The following NCKAP5 variants were observed in gnomAD, a reference collection of about 807,000 sequenced individuals.
NCKAP5 encodes the protein nck-associated protein 5.
In NCKAP5, 92 loss-of-function variants were observed where a neutral mutation model predicts 167.0. The ratio of observed to expected loss-of-function variants is 0.55; its 90% CI spans 0.47 to 0.66. The LOEUF is 0.66. NCKAP5 is among the 30% of genes least tolerant of loss of function. The probability of loss-of-function intolerance (pLI) is 0.00; values close to 1 mark genes in which losing one functional copy is unlikely to be tolerated. For missense variants in NCKAP5, 2,378 were observed against 2,315.0 expected (o/e 1.03, Z -0.56); for synonymous variants, 891 against 877.4 (o/e 1.02, Z -0.27).
chr2:133,316,039 CTAGGAA>C (rs1425213342), intron 3 of NCKAP5, among the ~76,000 whole-genome samples: 5 of 152,096 alleles, frequency 3.3e-5, no homozygotes, highest in African/African-American at 1.2e-4. Flanking sequence ...TTCAGTAAGT[CTAGGAA>C]TAAGATGGGA....
chr2:132,959,301 A>G (rs988496335), intron 8 of NCKAP5, among the ~76,000 whole-genome samples: 1 of 152,104 alleles, frequency 6.6e-6, no homozygotes, highest in Non-Finnish European at 1.5e-5. Context: ...TAACACATTT[A>G]ATTGCCATAT....
chr2:133,426,809 G>C (rs1000068209), intron 3 of NCKAP5, among the ~76,000 whole-genome samples: 1 of 152,138 alleles, frequency 6.6e-6, no homozygotes, highest in Non-Finnish European at 1.5e-5. Context: ...TAGATGAGAG[G>C]TATATGGGAA....
At chr2:133,599,987 A>C in the NCKAP5 span, among the ~76,000 whole-genome samples, 1 of 152,248 alleles carries the variant, frequency 6.6e-6, no homozygotes, top group Non-Finnish European at 1.5e-5. Context: ...AAGAGCTGGG[A>C]CTAGAAGCCA....
At chr2:133,119,551 C>G (rs1458701422) in intron 6 of NCKAP5, among the ~76,000 whole-genome samples, 3 of 152,034 alleles carry the variant, frequency 2.0e-5, no homozygotes. Context: ...ATGTTTCTAG[C>G]AAAAGATAAA....
chr2:132,688,815 A>G (rs1234827263), intron 19 of NCKAP5, among the ~76,000 whole-genome samples: 1 of 151,832 alleles, frequency 6.6e-6, no homozygotes. Flanking sequence ...GTGAGACTCT[A>G]TCTCTACAAA....
intron 11 of NCKAP5, among the ~76,000 whole-genome samples, chr2:132,800,787 TA>T (rs1484929559): frequency 1.3e-5 from 2 of 152,190 alleles, no homozygotes; most frequent in Non-Finnish European, 2.9e-5. Flanking sequence ...TTTGGTCCTT[TA>T]TCCAAAGTGT....
intron 3 of NCKAP5, among the ~76,000 whole-genome samples, chr2:133,435,123 CT>C (rs1690391516): frequency 6.6e-6 from 1 of 152,176 alleles, no homozygotes; most frequent in Non-Finnish European, 1.5e-5. Context: ...AGTGAAGATT[CT>C]GATCTCATCA....
intron 3 of NCKAP5, among the ~76,000 whole-genome samples, chr2:133,368,296 CA>C (rs1685579740): frequency 6.6e-6 from 1 of 152,116 alleles, no homozygotes; most frequent in East Asian, 1.9e-4. Flanking sequence ...ATCCCTTACC[CA>C]AGTGTGCACA....
chr2:133,067,786 T>C (rs2080247954), intron 6 of NCKAP5, among the ~76,000 whole-genome samples: 1 of 152,138 alleles, frequency 6.6e-6, no homozygotes, highest in Non-Finnish European at 1.5e-5. Flanking sequence ...ACTGTTTCCC[T>C]GGGAAACAAA....
At chr2:133,600,510 T>C in the NCKAP5 span, among the ~76,000 whole-genome samples, 2 of 152,226 alleles carry the variant, frequency 1.3e-5, no homozygotes, top group Admixed American at 6.5e-5. Context: ...AATGCTCACG[T>C]GCCCACTGGA....
intron 5 of NCKAP5, among the ~76,000 whole-genome samples, chr2:133,204,898 A>C (rs1290608638): frequency 6.6e-6 from 1 of 152,234 alleles, no homozygotes; most frequent in Non-Finnish European, 1.5e-5. Flanking sequence ...CTTTCCTACC[A>C]GCTAGCTTTG....
chr2:133,042,202 C>T, intron 6 of NCKAP5, among the ~76,000 whole-genome samples: 1 of 152,010 alleles, frequency 6.6e-6, no homozygotes, highest in Non-Finnish European at 1.5e-5. Context: ...CACCAATTTC[C>T]AAGTTTCTAT....
chr2:133,259,436 C>T (rs762754905), intron 4 of NCKAP5, among the ~76,000 whole-genome samples: 95 of 151,998 alleles, frequency 6.3e-4, no homozygotes, highest in Admixed American at 1.8e-3. Flanking sequence ...AGATCTTGTA[C>T]GTATGTTAAA....
chr2:132,826,775 A>T (rs888814709), intron 11 of NCKAP5, among the ~76,000 whole-genome samples: 1 of 152,200 alleles, frequency 6.6e-6, no homozygotes, highest in Non-Finnish European at 1.5e-5. Context: ...GGAGAAAAAT[A>T]GGACATCCTG....
chr2:133,565,848 A>T (rs1688509269), intron 1 of NCKAP5, among the ~76,000 whole-genome samples: 1 of 152,224 alleles, frequency 6.6e-6, no homozygotes, highest in Non-Finnish European at 1.5e-5. Flanking sequence ...TGGATATTTA[A>T]TTCATTCATT....
intron 3 of NCKAP5, among the ~76,000 whole-genome samples, chr2:133,351,078 G>T (rs1684327332): frequency 6.6e-6 from 1 of 152,170 alleles, no homozygotes; most frequent in Non-Finnish European, 1.5e-5. Flanking sequence ...AGGTAAGGCG[G>T]AGTATTTGTG....
intron 5 of NCKAP5, among the ~76,000 whole-genome samples, chr2:133,134,685 T>C (rs2082726625): frequency 6.6e-6 from 1 of 152,222 alleles, no homozygotes; most frequent in Non-Finnish European, 1.5e-5. Flanking sequence ...CTATACCTCA[T>C]AGCCTACACA....
At chr2:133,468,279 A>T (rs578147466) in intron 3 of NCKAP5, among the ~76,000 whole-genome samples, 1 of 141,820 alleles carries the variant, frequency 7.1e-6, no homozygotes, top group Admixed American at 7.2e-5. Flanking sequence ...CCCAGTAGTC[A>T]TTCAGGAGCA....
rs1464182760 is a variant in NCKAP5 at position 133,567,661 on chromosome 2, G to C, written c.-130+555C>G. ...CATTCCTGAGGATGAATGAGCCTGT[G>C]TGTGTGTGTGTGTGTGTGTGTGTGT... On this transcript the variant is annotated intron_variant, in intron 1 of 19. Coordinates refer to ENST00000409261, the MANE Select transcript of NCKAP5 (RefSeq NM_207363.3). 2.4e-3 allele frequency among the ~76,000 whole-genome samples: 229 copies of C among 93,702 alleles called. 1 individual carries two copies. Among genetic ancestry groups the C allele is most frequent in the Admixed American group, 0.014 (117 of 8,480 alleles). The allele number at this position is 93,702 out of a possible 152,430, so 61.5% of individuals were successfully genotyped here.
Sources: allele counts gnomAD v4.1 joint callset (sites outside exome capture counted in the v4.1 genomes callset), GRCh38; gene constraint gnomAD v4.1.1; transcripts MANE v1.5; gene names NCBI Gene and HGNC (gene_info 2026-07-23, HGNC 2026-07-21).